The following LRRC4C variants were observed in gnomAD, a reference collection of about 807,000 sequenced individuals.
The protein encoded by LRRC4C is leucine rich repeat containing 4C, also known as leucine-rich repeat-containing protein 4C.
A neutral mutation model predicts 33.6 loss-of-function variants in LRRC4C; 5 were observed. That is an observed-to-expected ratio of 0.15 (90% CI 0.08 to 0.31). The LOEUF (loss-of-function observed/expected upper bound fraction) is 0.31. Among genes scored for constraint, LRRC4C ranks in the 10% least tolerant of loss-of-function variants. LRRC4C has a pLI of 1.00. For synonymous variants in LRRC4C, 329 were observed against 302.0 expected (o/e 1.09, Z -0.93); for missense variants, 560 against 796.7 (o/e 0.70, Z 3.58).
At chr11:40,580,463 C>T in intron 3 of LRRC4C, among the ~76,000 whole-genome samples, 1 of 152,162 alleles carries the variant, frequency 6.6e-6, no homozygotes, top group East Asian at 1.9e-4. Flanking sequence ...CTGGGGATTA[C>T]AATTCGAGAC....
intron 1 of LRRC4C, among the ~76,000 whole-genome samples, chr11:41,453,872 C>G (rs868862258): frequency 3.9e-5 from 6 of 152,054 alleles, no homozygotes; most frequent in African/African-American, 1.4e-4. Context: ...ACCACAAATT[C>G]TGATGCTTAA....
intron 2 of LRRC4C, among the ~76,000 whole-genome samples, chr11:40,805,311 C>T (rs12284564): frequency 0.013 from 1,972 of 152,216 alleles, 48 homozygotes; most frequent in African/African-American, 0.045. Context: ...AAAACTAAAT[C>T]TCAAAAGTGG....
chr11:40,120,277 C>A (rs1048362532), intron 6 of LRRC4C, among the ~76,000 whole-genome samples: 1 of 152,206 alleles, frequency 6.6e-6, no homozygotes, highest in African/African-American at 2.4e-5. Flanking sequence ...TATAGGACTA[C>A]ACCCCTGCCC....
At chr11:40,116,483 G>A in intron 6 of LRRC4C, 149 bp from the exon 7 acceptor site, 1 of 849,368 alleles carries the variant, frequency 1.2e-6, no homozygotes, top group Non-Finnish European at 1.7e-6. Flanking sequence ...ATTAAGCTAT[G>A]TGGTTCATAT....
At chr11:41,232,156 GACA>G (rs1947830917) in intron 1 of LRRC4C, among the ~76,000 whole-genome samples, 1 of 151,896 alleles carries the variant, frequency 6.6e-6, no homozygotes, top group Non-Finnish European at 1.5e-5. Context: ...AGGGGAAGTT[GACA>G]ACATCCTCCT....
intron 3 of LRRC4C, among the ~76,000 whole-genome samples, chr11:40,502,107 C>G (rs1954804489): frequency 6.6e-6 from 1 of 152,178 alleles, no homozygotes; most frequent in African/African-American, 2.4e-5. Flanking sequence ...CACCTTTGCT[C>G]TAGTTCCCAA....
chr11:40,522,328 C>T (rs971211021), intron 3 of LRRC4C, among the ~76,000 whole-genome samples: 1 of 152,200 alleles, frequency 6.6e-6, no homozygotes, highest in African/African-American at 2.4e-5. Flanking sequence ...TGGCGCCTGG[C>T]CAGAAGATGA....
intron 1 of LRRC4C, among the ~76,000 whole-genome samples, chr11:41,087,832 G>A (rs1037744668): frequency 1.3e-5 from 2 of 152,098 alleles, no homozygotes; most frequent in Non-Finnish European, 1.5e-5. Flanking sequence ...ATTAAATAAT[G>A]TGTTGGAAAA....
chr11:41,314,004 C>T (rs1382116863), intron 1 of LRRC4C, among the ~76,000 whole-genome samples: 1 of 152,102 alleles, frequency 6.6e-6, no homozygotes. Context: ...TTAAGAAACA[C>T]TAATGCCTTC....
chr11:40,268,301 C>T (rs902566501), intron 4 of LRRC4C, among the ~76,000 whole-genome samples: 1 of 152,104 alleles, frequency 6.6e-6, no homozygotes, highest in African/African-American at 2.4e-5. Flanking sequence ...CAGCTAAAGA[C>T]ACTTCAAAGT....
At chr11:40,132,834 G>A (rs1028223645) in intron 6 of LRRC4C, among the ~76,000 whole-genome samples, 1 of 152,026 alleles carries the variant, frequency 6.6e-6, no homozygotes, top group Non-Finnish European at 1.5e-5. Flanking sequence ...TGCACAATAG[G>A]CTGATTTGCT....
At chr11:40,865,637 A>T (rs1316211042) in intron 2 of LRRC4C, among the ~76,000 whole-genome samples, 1 of 151,802 alleles carries the variant, frequency 6.6e-6, no homozygotes, top group Non-Finnish European at 1.5e-5. Context: ...AACAAAAGCC[A>T]TTCCCAAAAT....
At chr11:41,149,510 C>CAAAAAA (rs57914595) in intron 1 of LRRC4C, among the ~76,000 whole-genome samples, 1 of 55,510 alleles carries the variant, frequency 1.8e-5, no homozygotes. Flanking sequence ...ACTCCGTCTC[C>CAAAAAA]AAAAAAAAAA....
chr11:40,441,477 A>G (rs902255194), intron 3 of LRRC4C, among the ~76,000 whole-genome samples: 2 of 152,312 alleles, frequency 1.3e-5, no homozygotes, highest in Admixed American at 1.3e-4. Flanking sequence ...TTGTGATACA[A>G]TGCATTCTTT....
chr11:40,245,850 ATAT>A (rs979947073), intron 4 of LRRC4C, among the ~76,000 whole-genome samples: 2 of 151,928 alleles, frequency 1.3e-5, no homozygotes, highest in African/African-American at 4.8e-5. Context: ...ATTTTTATAG[ATAT>A]TATTATTTTA....
chr11:40,409,206 T>C (rs1460294338), intron 3 of LRRC4C, among the ~76,000 whole-genome samples: 1 of 151,820 alleles, frequency 6.6e-6, no homozygotes. Flanking sequence ...TGCAGAAAAA[T>C]GAAGCTAGAT....
At chr11:40,649,023 A>G (rs1278275024) in intron 2 of LRRC4C, among the ~76,000 whole-genome samples, 1 of 152,196 alleles carries the variant, frequency 6.6e-6, no homozygotes, top group Non-Finnish European at 1.5e-5. Context: ...TTCAAAGGGC[A>G]AAAAGGAGAA....
intron 2 of LRRC4C, among the ~76,000 whole-genome samples, chr11:40,802,440 C>A (rs1951077098): frequency 6.6e-6 from 1 of 151,494 alleles, no homozygotes; most frequent in African/African-American, 2.4e-5. Context: ...GAGAGAAATG[C>A]TGCTGAAACC....
chr11:40,776,345 T>C (rs1167403028), intron 2 of LRRC4C, among the ~76,000 whole-genome samples: 2 of 152,072 alleles, frequency 1.3e-5, no homozygotes, highest in Non-Finnish European at 2.9e-5. Context: ...AATTCAGCTG[T>C]GAATCCATCT....
Sources: allele counts gnomAD v4.1 joint callset (sites outside exome capture counted in the v4.1 genomes callset), GRCh38; gene constraint gnomAD v4.1.1; transcripts MANE v1.5; gene names NCBI Gene and HGNC (gene_info 2026-07-23, HGNC 2026-07-21).